CNTN5: variants seen among roughly 807,000 people sequenced by gnomAD.
The protein encoded by CNTN5 is contactin-5.
CNTN5 carries 77 observed loss-of-function variants against 129.1 expected under a neutral mutation model. The ratio of observed to expected loss-of-function variants is 0.60; its 90% CI spans 0.50 to 0.72. The LOEUF is 0.72. Among genes scored for constraint, CNTN5 ranks in the 30% least tolerant of loss-of-function variants. The pLI, the probability that CNTN5 is intolerant of heterozygous loss-of-function variation, is 0.00. For missense variants in CNTN5, 1,478 were observed against 1,328.8 expected, an observed-to-expected ratio of 1.11 and a Z score of -1.75; for synonymous variants, 509 against 465.6, an observed-to-expected ratio of 1.09 and a Z score of -1.20.
intron 6 of CNTN5, among the ~76,000 whole-genome samples, chr11:99,894,964 A>G (rs1949166789): frequency 1.3e-5 from 2 of 152,238 alleles, no homozygotes; most frequent in African/African-American, 4.8e-5. Context: ...TTTTCTTGAC[A>G]TGCCCCAAGC....
intron 6 of CNTN5, among the ~76,000 whole-genome samples, chr11:99,858,863 G>T (rs1442321639): frequency 6.6e-6 from 1 of 151,806 alleles, no homozygotes; most frequent in Admixed American, 6.6e-5. Flanking sequence ...AATAATAATT[G>T]ATAAGATTTA....
intron 7 of CNTN5, among the ~76,000 whole-genome samples, chr11:99,928,264 A>G (rs922276579): frequency 2.0e-5 from 3 of 152,152 alleles, no homozygotes; most frequent in African/African-American, 2.4e-5. Flanking sequence ...TCACATTGCC[A>G]GCTGTCAGTG....
At chr11:99,150,666 T>C (rs142490841) in intron 1 of CNTN5, among the ~76,000 whole-genome samples, 1,987 of 152,110 alleles carry the variant, frequency 0.013, 45 homozygotes, top group African/African-American at 0.045. Context: ...ATCTAAAATA[T>C]GAAAAAGATA....
Position 99,726,449 on chromosome 11 carries a change from A to C in CNTN5, c.56-93095A>C, listed in dbSNP as rs542706001. On this transcript the variant is annotated intron_variant, in intron 3 of 24. Coordinates refer to ENST00000524871, the MANE Select transcript of CNTN5 (RefSeq NM_014361.4). Reference sequence around the variant, plus strand: ...GAGAGTTTGATAGCTCACCGAAATTACTACATGTTTTCTACTAGCAAAACG... The same window carrying C: ...GAGAGTTTGATAGCTCACCGAAATTCCTACATGTTTTCTACTAGCAAAACG... Among the ~76,000 whole-genome samples, 49 of 152,328 alleles carry C rather than the reference A, an allele frequency of 3.2e-4. 1 individual carries two copies. The South Asian group carries it at 7.2e-3, about 23-fold the overall frequency.
intron 1 of CNTN5, among the ~76,000 whole-genome samples, chr11:99,147,852 T>C (rs1183055697): frequency 6.6e-6 from 1 of 152,126 alleles, no homozygotes; most frequent in Non-Finnish European, 1.5e-5. Context: ...CATCCTTAAA[T>C]AACATCATGG....
At chr11:99,179,924 C>T (rs576507454) in intron 1 of CNTN5, among the ~76,000 whole-genome samples, 65 of 152,150 alleles carry the variant, frequency 4.3e-4, no homozygotes, top group African/African-American at 1.4e-3. Flanking sequence ...ATTCAGTTTG[C>T]GTTTTTGTAT....
chr11:100,160,598 C>T (rs1947415362), intron 13 of CNTN5, among the ~76,000 whole-genome samples: 2 of 151,826 alleles, frequency 1.3e-5, no homozygotes, highest in Non-Finnish European at 2.9e-5. Context: ...TGAACAGAAA[C>T]TCCACTTTGG....
chr11:99,508,831 G>A (rs868360037), intron 2 of CNTN5, among the ~76,000 whole-genome samples: 164 of 151,948 alleles, frequency 1.1e-3, no homozygotes, highest in Non-Finnish European at 2.2e-3. Context: ...ACAGGCATGC[G>A]CCACAATGCC....
In CNTN5 at chr11:99,831,591, C is replaced by A. The variant is rs529912975; in HGVS notation, c.277+11826C>A. Among the ~76,000 whole-genome samples the A allele has an allele frequency of 2.0e-5, 3 of 152,082 alleles. No homozygotes were observed. In the East Asian group the frequency reaches 5.8e-4, roughly 29 times the overall value. On this transcript the variant is annotated intron_variant, in intron 4 of 24. Transcript: ENST00000524871. Reference sequence around the variant, plus strand: ...AGAAAGCTATAGCGGATCCAACTGGCAGCAGACTGCCAGTGACCATAACTT... The same window carrying A: ...AGAAAGCTATAGCGGATCCAACTGGAAGCAGACTGCCAGTGACCATAACTT...
chr11:99,023,113 T>C (rs532045807), intron 1 of CNTN5, among the ~76,000 whole-genome samples: 1 of 152,310 alleles, frequency 6.6e-6, no homozygotes, highest in Non-Finnish European at 1.5e-5. Context: ...TACCTGAATG[T>C]TTCTCAAGGT....
At chr11:99,134,559 T>A (rs1859121286) in intron 1 of CNTN5, among the ~76,000 whole-genome samples, 1 of 152,210 alleles carries the variant, frequency 6.6e-6, no homozygotes, top group Non-Finnish European at 1.5e-5. Flanking sequence ...TGCTTTAATT[T>A]TCTGGGAGGA....
intron 1 of CNTN5, among the ~76,000 whole-genome samples, chr11:99,154,357 C>A (rs1860229584): frequency 6.6e-6 from 1 of 152,174 alleles, no homozygotes; most frequent in South Asian, 2.1e-4. Context: ...GGCCTCCATG[C>A]ATGCATGCAC....
chr11:99,595,471 C>G (rs10501918), intron 3 of CNTN5, among the ~76,000 whole-genome samples: 24,623 of 151,870 alleles, frequency 0.16, 2,425 homozygotes, highest in East Asian at 0.28. Context: ...ATATTCTAAA[C>G]CTCTCAAACA....
chr11:99,727,852 G>T (rs997200817), intron 3 of CNTN5, among the ~76,000 whole-genome samples: 1 of 151,926 alleles, frequency 6.6e-6, no homozygotes, highest in African/African-American at 2.4e-5. Flanking sequence ...AGTACTAAGG[G>T]CTTCATATTT....
chr11:99,316,975 C>T (rs1865369556), intron 1 of CNTN5, among the ~76,000 whole-genome samples: 1 of 152,066 alleles, frequency 6.6e-6, no homozygotes, highest in Admixed American at 6.6e-5. Flanking sequence ...AGCTGCGATG[C>T]CAGTGGTAGA....
At chr11:99,299,179 G>T (rs1220834196) in intron 1 of CNTN5, among the ~76,000 whole-genome samples, 1 of 152,060 alleles carries the variant, frequency 6.6e-6, no homozygotes, top group Non-Finnish European at 1.5e-5. Flanking sequence ...GAAAAGTACA[G>T]CCAACGGAAA....
chr11:100,169,203 T>G (rs756541052), intron 13 of CNTN5, among the ~76,000 whole-genome samples: 4 of 151,984 alleles, frequency 2.6e-5, no homozygotes, highest in Non-Finnish European at 4.4e-5. Context: ...TTGATAAAAC[T>G]GTGGCAGGGT....
chr11:100,015,015 C>T (rs1940748043), intron 9 of CNTN5, among the ~76,000 whole-genome samples: 1 of 152,074 alleles, frequency 6.6e-6, no homozygotes, highest in Admixed American at 6.6e-5. Context: ...CTCTTTCTTC[C>T]TTTTTATCAT....
chr11:99,639,559 GTTTTT>G (rs71050010), intron 3 of CNTN5, among the ~76,000 whole-genome samples: 2 of 70,322 alleles, frequency 2.8e-5, no homozygotes, highest in Non-Finnish European at 5.0e-5. Context: ...TCACCTTTAT[GTTTTT>G]TTTTTTTTTT....
Sources: allele counts gnomAD v4.1 joint callset (sites outside exome capture counted in the v4.1 genomes callset), GRCh38; gene constraint gnomAD v4.1.1; transcripts MANE v1.5; gene names NCBI Gene and HGNC (gene_info 2026-07-23, HGNC 2026-07-21).